The following PLCB1 variants were observed in gnomAD, a reference collection of about 807,000 sequenced individuals.
PLCB1 encodes 1-phosphatidylinositol 4,5-bisphosphate phosphodiesterase beta-1.
PLCB1 carries 46 observed loss-of-function variants against 161.8 expected under a neutral mutation model. That is an observed-to-expected ratio of 0.28 (90% CI 0.22 to 0.36). The LOEUF is 0.36. PLCB1 is among the 10% of genes least tolerant of loss of function. PLCB1 has a pLI of 1.00. For synonymous variants in PLCB1, 517 were observed against 503.7 expected (o/e 1.03, Z -0.35); for missense variants, 1,016 against 1,472.5 (o/e 0.69, Z 5.07).
intron 2 of PLCB1, among the ~76,000 whole-genome samples, chr20:8,340,534 T>A (rs553539772): frequency 6.6e-6 from 1 of 152,084 alleles, no homozygotes; most frequent in Middle Eastern, 3.2e-3. Context: ...GCCATTCTCC[T>A]GCCTCAGCCT....
At chr20:8,453,280 C>A (rs983098430) in intron 3 of PLCB1, among the ~76,000 whole-genome samples, 2 of 152,208 alleles carry the variant, frequency 1.3e-5, no homozygotes, top group Non-Finnish European at 2.9e-5. Context: ...GTATCTCCTG[C>A]AGCCACCTCA....
intron 2 of PLCB1, among the ~76,000 whole-genome samples, chr20:8,334,144 G>T (rs1410673602): frequency 6.6e-6 from 1 of 152,132 alleles, no homozygotes; most frequent in Non-Finnish European, 1.5e-5. Flanking sequence ...GGGAGGTGGA[G>T]GTTGCGATGA....
chr20:8,658,288 G>T (rs1193747995), intron 8 of PLCB1, among the ~76,000 whole-genome samples: 1 of 152,088 alleles, frequency 6.6e-6, no homozygotes, highest in Non-Finnish European at 1.5e-5. Context: ...TCCCACTGTG[G>T]GTTTTCTTAC....
At chr20:8,522,368 T>C (rs926358781) in intron 3 of PLCB1, among the ~76,000 whole-genome samples, 3 of 152,194 alleles carry the variant, frequency 2.0e-5, no homozygotes, top group Non-Finnish European at 4.4e-5. Flanking sequence ...ATTTTATCTA[T>C]GACATCATCC....
intron 3 of PLCB1, among the ~76,000 whole-genome samples, chr20:8,601,062 T>C (rs146869638): frequency 0.052 from 7,838 of 152,016 alleles, 599 homozygotes; most frequent in African/African-American, 0.18. Context: ...ACCCGTCTTC[T>C]GCGTCGCTCA....
At chr20:8,728,425 A>G (rs534776338) in intron 17 of PLCB1, among the ~76,000 whole-genome samples, 1 of 152,222 alleles carries the variant, frequency 6.6e-6, no homozygotes, top group South Asian at 2.1e-4. Context: ...TGATAATGAT[A>G]GGAACCAAAA....
At position 8,504,051 on chromosome 20, in the gene PLCB1, G is replaced by C. The variant is rs150515315; in HGVS notation, c.247-124243G>C. On this transcript the variant is annotated intron_variant, in intron 3 of 31. Transcript: ENST00000338037. The stretch of plus-strand genomic sequence containing the variant: ...AAGCAGAGGTGGAGAGGAGAGTTAA[G>C]GAGCATAAAGATTTTACTTGAAAGG... Among the ~76,000 whole-genome samples the C allele has an allele frequency of 3.3e-5, 5 of 152,216 alleles. No individual in the cohort carries two copies. The East Asian group carries it at 7.7e-4, about 24-fold the overall frequency.
In PLCB1 at chr20:8,773,695, C is replaced by T. The variant is rs182814754; in HGVS notation, c.2931-844C>T. Among the ~76,000 whole-genome samples, 129 of 152,182 alleles carry T rather than the reference C, an allele frequency of 8.5e-4. 1 individual carries two copies. The highest frequency in any genetic ancestry group is 2.8e-3 in the African/African-American group (117 of 41,514). ...GCTGTTAAAAATCTTGTTAAGAGGC[C>T]GGGCACGGTGGCTCACGTCTGTAAT... On this transcript the variant is annotated intron_variant, in intron 26 of 31. Coordinates refer to ENST00000338037, the MANE Select transcript of PLCB1 (RefSeq NM_015192.4).
At chr20:8,139,474 C>A (rs980143267) in intron 1 of PLCB1, among the ~76,000 whole-genome samples, 7 of 151,920 alleles carry the variant, frequency 4.6e-5, no homozygotes, top group African/African-American at 1.7e-4. Context: ...TGTACAAGAT[C>A]ACAGAAAGTG....
chr20:8,770,109 C>T (rs984817292), intron 26 of PLCB1, among the ~76,000 whole-genome samples: 9 of 152,250 alleles, frequency 5.9e-5, no homozygotes, highest in African/African-American at 1.4e-4. Context: ...CCCGCCACCA[C>T]GCCCAGCTAA....
intron 31 of PLCB1, among the ~76,000 whole-genome samples, chr20:8,864,678 TG>T (rs1409973156): frequency 2.0e-5 from 3 of 152,164 alleles, no homozygotes; most frequent in Non-Finnish European, 2.9e-5. Flanking sequence ...TATGTTCCCA[TG>T]ATTTGGAATT....
chr20:8,279,650 C>T (rs530562619), intron 2 of PLCB1, among the ~76,000 whole-genome samples: 6 of 152,174 alleles, frequency 3.9e-5, no homozygotes, highest in East Asian at 3.9e-4. Context: ...ATAGTATGTT[C>T]ATATAAAATA....
intron 9 of PLCB1, among the ~76,000 whole-genome samples, chr20:8,682,214 G>C (rs1990239297): frequency 6.6e-6 from 1 of 152,200 alleles, no homozygotes; most frequent in African/African-American, 2.4e-5. Flanking sequence ...AAAAGCACGT[G>C]CCCAGGCCCA....
At chr20:8,630,633 A>T (rs1255715371) in intron 4 of PLCB1, among the ~76,000 whole-genome samples, 1 of 152,210 alleles carries the variant, frequency 6.6e-6, no homozygotes, top group African/African-American at 2.4e-5. Context: ...GAAAAAACAG[A>T]TTCTAAGTGT....
At chr20:8,680,376 T>A (rs1225389686) in intron 9 of PLCB1, among the ~76,000 whole-genome samples, 2 of 152,220 alleles carry the variant, frequency 1.3e-5, no homozygotes, top group Non-Finnish European at 2.9e-5. Context: ...ACATCTGTAT[T>A]TTTGCAAATA....
chr20:8,518,192 A>C (rs970572759), intron 3 of PLCB1, among the ~76,000 whole-genome samples: 1 of 151,948 alleles, frequency 6.6e-6, no homozygotes, highest in African/African-American at 2.4e-5. Context: ...AAAAAAAAAA[A>C]ATTATCCTAT....
chr20:8,141,622 GA>G (rs10599705), intron 1 of PLCB1, among the ~76,000 whole-genome samples: 3,463 of 92,528 alleles, frequency 0.037, 102 homozygotes, highest in African/African-American at 0.1. Context: ...GCGATACTCC[GA>G]AAAAAAAAAA....
intron 2 of PLCB1, among the ~76,000 whole-genome samples, chr20:8,359,716 C>T (rs1986478246): frequency 1.3e-5 from 2 of 151,980 alleles, no homozygotes; most frequent in Admixed American, 1.3e-4. Flanking sequence ...TAAAATGTGG[C>T]GTATTGTGAC....
chr20:8,724,246 A>G (rs1303490647), intron 15 of PLCB1, among the ~76,000 whole-genome samples: 1 of 152,018 alleles, frequency 6.6e-6, no homozygotes, highest in Non-Finnish European at 1.5e-5. Context: ...CTAACCTTAG[A>G]CAACACCTAT....
Sources: gnomAD v4.1 joint callset for allele counts (sites outside exome capture counted in the v4.1 genomes callset) on GRCh38, gnomAD v4.1.1 for gene constraint, MANE v1.5 for transcripts, NCBI Gene and HGNC (gene_info 2026-07-23, HGNC 2026-07-21) for gene names.